RABGAP1L: variants seen among roughly 807,000 people sequenced by gnomAD.
RABGAP1L encodes the protein RAB GTPase activating protein 1 like, also known as rab GTPase-activating protein 1-like.
RABGAP1L carries 63 observed loss-of-function variants against 137.7 expected under a neutral mutation model. The observed-to-expected ratio is 0.46, with a 90% confidence interval of 0.37 to 0.56. RABGAP1L has a LOEUF of 0.56. RABGAP1L is among the 20% of genes least tolerant of loss of function. RABGAP1L has a pLI of 0.00. For synonymous variants in RABGAP1L, 431 were observed against 433.7 expected (o/e 0.99, Z 0.08); for missense variants, 1,095 against 1,244.0 (o/e 0.88, Z 1.80).
chr1:174,791,201 AAAG>A (rs1455676956), intron 18 of RABGAP1L, among the ~76,000 whole-genome samples: 2 of 152,082 alleles, frequency 1.3e-5, no homozygotes, highest in African/African-American at 4.8e-5. Flanking sequence ...AAAAAAAAAA[AAAG>A]AAAAAAAAAT....
intron 14 of RABGAP1L, among the ~76,000 whole-genome samples, chr1:174,647,404 G>C (rs1219107842): frequency 6.6e-6 from 1 of 152,102 alleles, no homozygotes. Context: ...TTTATTGAGA[G>C]TTTTTAGCAT....
At chr1:174,855,812 A>G (rs570217941) in intron 19 of RABGAP1L, among the ~76,000 whole-genome samples, 23 of 152,332 alleles carry the variant, frequency 1.5e-4, no homozygotes, top group African/African-American at 4.8e-4. Context: ...TTTATTATGT[A>G]TAGAAATTTC....
chr1:174,220,131 T>C (rs56188862), intron 2 of RABGAP1L, among the ~76,000 whole-genome samples: 76,025 of 151,944 alleles, frequency 0.5, 21,727 homozygotes, highest in African/African-American at 0.8. Context: ...TTAGGCTTTG[T>C]GTTTCACCTG....
chr1:174,541,725 G>A (rs988721252), intron 13 of RABGAP1L, among the ~76,000 whole-genome samples: 67 of 151,880 alleles, frequency 4.4e-4, no homozygotes, highest in Non-Finnish European at 3.2e-4. Context: ...GTAGTGAGCC[G>A]AGATCATGCC....
At position 174,904,721 on chromosome 1, in the gene RABGAP1L, C is replaced by T. The variant is rs559891652; in HGVS notation, c.2341-52736C>T. 3.9e-5 allele frequency among the ~76,000 whole-genome samples: 6 copies of T among 152,186 alleles called. No homozygotes were observed. The East Asian group carries it at 9.7e-4, about 25-fold the overall frequency. On this transcript the variant is annotated intron_variant, in intron 19 of 25. Transcript: ENST00000681986. Reference sequence around the variant, plus strand: ...CTGGAATGCAGTGGCGTGAACACAGCTCACTGCAGCCTCAACTCCCTGGGT... The same window carrying T: ...CTGGAATGCAGTGGCGTGAACACAGTTCACTGCAGCCTCAACTCCCTGGGT...
At chr1:174,940,329 A>G (rs1325997259) in intron 19 of RABGAP1L, among the ~76,000 whole-genome samples, 2 of 150,754 alleles carry the variant, frequency 1.3e-5, no homozygotes, top group Non-Finnish European at 3.0e-5. Context: ...CAGTTGCACG[A>G]TCAATCATAG....
Position 174,988,750 on chromosome 1 carries a change from A to G in RABGAP1L, c.2915A>G (p.Lys972Arg), listed in dbSNP as rs1439802641. 1 of 1,550,134 alleles carries G rather than the reference A, an allele frequency of 6.5e-7. No homozygotes were observed. The highest frequency in any genetic ancestry group is 8.7e-7 in the Non-Finnish European group (1 of 1,146,782). Residue 972 changes from lysine (K) to arginine (R), a missense_variant, in exon 25 of 26, where the codon AAG becomes AGG. Lys to Arg is a conservative substitution (Grantham distance 26). Around this residue, in one of 4 missense-constraint regions of RABGAP1L, gnomAD observed 312 missense variants for 435.6 expected, o/e 0.72. Transcript: ENST00000681986. ...CAGGGAATTGAAACAGATGATGAGA[A>G]GGACTCACTTAAGAAGCAGCTGAGA... ...EDQGIETDDEKDSLKKQLREM... is the reference protein window; with the variant it reads ...EDQGIETDDERDSLKKQLREM...
chr1:174,165,339 G>A (rs1664815715), intron 1 of RABGAP1L, among the ~76,000 whole-genome samples: 1 of 152,052 alleles, frequency 6.6e-6, no homozygotes, highest in Non-Finnish European at 1.5e-5. Flanking sequence ...TAGTACAGAC[G>A]GGGTTTCGCC....
At position 174,915,412 on chromosome 1, in the gene RABGAP1L, G is replaced by A. The variant is rs368053274; in HGVS notation, c.2341-42045G>A. On this transcript the variant is annotated intron_variant, in intron 19 of 25. Transcript: ENST00000681986. ...CTAATGGTGTTGAGCCCCTTTTCAT[G>A]CCCTTTATATATTTTCTTTGGTAAA... is the stretch of plus-strand genomic sequence containing the variant. Among the ~76,000 whole-genome samples, 12 of 152,046 alleles carry A rather than the reference G, an allele frequency of 7.9e-5. No individual in the cohort carries two copies. In the East Asian group the frequency reaches 2.1e-3, roughly 27 times the overall value.
chr1:174,289,878 G>T (rs545317279), intron 10 of RABGAP1L, among the ~76,000 whole-genome samples: 12 of 152,320 alleles, frequency 7.9e-5, no homozygotes, highest in African/African-American at 2.9e-4. Flanking sequence ...GTTAGGCGGG[G>T]TTGCTGGCTG....
chr1:174,193,064 A>G (rs1053385308), intron 1 of RABGAP1L, among the ~76,000 whole-genome samples: 2 of 152,242 alleles, frequency 1.3e-5, no homozygotes, highest in Admixed American at 1.3e-4. Flanking sequence ...AAACATGACT[A>G]AAATGCCCAG....
chr1:174,646,395 T>A (rs1023171994), intron 14 of RABGAP1L, among the ~76,000 whole-genome samples: 5 of 151,872 alleles, frequency 3.3e-5, no homozygotes, highest in African/African-American at 1.2e-4. Flanking sequence ...TGTATAAGAT[T>A]TAAGTAAGGG....
chr1:174,838,610 C>T (rs980080143), intron 19 of RABGAP1L, among the ~76,000 whole-genome samples: 3 of 152,064 alleles, frequency 2.0e-5, no homozygotes, highest in Non-Finnish European at 4.4e-5. Flanking sequence ...CAAACACCAA[C>T]TGCTTAACCA....
chr1:174,959,183 T>G (rs1668868803), intron 20 of RABGAP1L, among the ~76,000 whole-genome samples: 1 of 152,218 alleles, frequency 6.6e-6, no homozygotes, highest in Non-Finnish European at 1.5e-5. Flanking sequence ...GAAGCTAATT[T>G]TCACCACCAA....
chr1:174,712,432 T>C (rs957972540), intron 17 of RABGAP1L, among the ~76,000 whole-genome samples: 13 of 152,022 alleles, frequency 8.6e-5, no homozygotes, highest in African/African-American at 2.9e-4. Context: ...CTTTAAGAAC[T>C]GTAACACTCA....
chr1:174,202,729 GCCTA>G (rs1668217772), intron 1 of RABGAP1L, among the ~76,000 whole-genome samples: 1 of 152,154 alleles, frequency 6.6e-6, no homozygotes, highest in Admixed American at 6.5e-5. Context: ...CCTTGCCCAT[GCCTA>G]TGTCCTGAAT....
In RABGAP1L at chr1:174,859,482, C is replaced by CAAAAA. The variant is rs35464065; in HGVS notation, c.2340+47527_2340+47531dup. 6.7e-5 allele frequency among the ~76,000 whole-genome samples: 9 copies of CAAAAA among 133,738 alleles called. 1 individual carries two copies. The highest frequency in any genetic ancestry group is 7.5e-5 in the Admixed American group (1 of 13,306). The allele number at this position is 133,738 out of a possible 152,430, so 87.7% of individuals were successfully genotyped here. A position where few individuals can be genotyped will look rare whatever the true frequency, so the allele number is the denominator to read the frequency against. Reference sequence around the variant, plus strand: ...TGGGAGACAGAGCGAGACTCCATCTCAAAAAAAAAGAAAATGTGGTACATA... The same window carrying CAAAAA: ...TGGGAGACAGAGCGAGACTCCATCTCAAAAAAAAAAAAAAGAAAATGTGGTACATA... On this transcript the variant is annotated intron_variant, in intron 19 of 25. Coordinates refer to ENST00000681986, the MANE Select transcript of RABGAP1L (RefSeq NM_001366446.1).
At chr1:174,565,348 T>C (rs1049359696) in intron 13 of RABGAP1L, among the ~76,000 whole-genome samples, 4 of 152,194 alleles carry the variant, frequency 2.6e-5, no homozygotes, top group African/African-American at 9.6e-5. Context: ...TGGCTGTACA[T>C]TGACATACTA....
chr1:174,615,137 GGAGGAGAA>G (rs1671689568), intron 13 of RABGAP1L, among the ~76,000 whole-genome samples: 1 of 152,202 alleles, frequency 6.6e-6, no homozygotes, highest in Non-Finnish European at 1.5e-5. Flanking sequence ...GCGTTCCTTT[GGAGGAGAA>G]GAGGTGCTCT....
Sources: gnomAD v4.1 joint callset for allele counts (sites outside exome capture counted in the v4.1 genomes callset) on GRCh38, gnomAD v4.1.1 for gene constraint, gnomAD v4.1.1 regional missense constraint, MANE v1.5 for transcripts, NCBI Gene and HGNC (gene_info 2026-07-23, HGNC 2026-07-21) for gene names.